The following LARP1 variants were observed in gnomAD, a reference collection of about 807,000 sequenced individuals.
The protein encoded by LARP1 is la-related protein 1.
Under a neutral mutation model 122.7 loss-of-function variants are expected in LARP1, and 36 were observed. The observed-to-expected ratio is 0.29, with a 90% confidence interval of 0.22 to 0.39. The LOEUF (loss-of-function observed/expected upper bound fraction) is 0.39. LARP1 is among the 10% of genes least tolerant of loss of function. The probability of loss-of-function intolerance (pLI) is 1.00; values close to 1 mark genes in which losing one functional copy is unlikely to be tolerated. For synonymous variants in LARP1, 539 were observed against 528.7 expected (o/e 1.02, Z -0.27); for missense variants, 1,040 against 1,403.6 (o/e 0.74, Z 4.14).
chr5:154,688,686 G>C (rs1247057495), intron 1 of LARP1, among the ~76,000 whole-genome samples: 1 of 145,942 alleles, frequency 6.9e-6, no homozygotes, highest in African/African-American at 2.6e-5. Flanking sequence ...ATTAGCTAGG[G>C]CTAGTGGCAC....
chr5:154,715,095 G>T (rs192348741), intron 1 of LARP1, among the ~76,000 whole-genome samples: 1,574 of 151,208 alleles, frequency 0.01, 26 homozygotes, highest in African/African-American at 0.036. Flanking sequence ...CAGGAGAATC[G>T]CTTGAACCCG....
intron 1 of LARP1, among the ~76,000 whole-genome samples, chr5:154,731,874 T>C (rs1202722280): frequency 6.6e-6 from 1 of 151,828 alleles, no homozygotes; most frequent in Non-Finnish European, 1.5e-5. Flanking sequence ...ATACAAAAAT[T>C]AGCTGGGTGT....
rs748853573 is a variant in LARP1 at position 154,744,616 on chromosome 5, ATTTTTTTTTTTTTTTTTTTTTTTTT to A, written c.205+31501_205+31525del. ...CAGGGGAAAGGGCATTGGATATGCA[ATTTTTTTTTTTTTTTTTTTTTTTTT>A]TTTTTTTTTTTTTTGAGACGGAGTC... On this transcript the variant is annotated intron_variant, in intron 1 of 18. Coordinates refer to the LARP1 transcript ENST00000336314. Among the ~76,000 whole-genome samples the A allele has an allele frequency of 3.4e-3, 247 of 71,816 alleles. 2 individuals carry two copies. Among genetic ancestry groups the A allele is most frequent in the African/African-American group, 5.8e-3 (104 of 17,976 alleles). The allele number at this position is 71,816 out of a possible 152,430, so 47.1% of individuals were successfully genotyped here. A position where few individuals can be genotyped will look rare whatever the true frequency, so the allele number is the denominator to read the frequency against.
chr5:154,770,020 C>T (rs1283464207), intron 1 of LARP1, among the ~76,000 whole-genome samples: 1 of 152,098 alleles, frequency 6.6e-6, no homozygotes, highest in Non-Finnish European at 1.5e-5. Context: ...TGGAGGCCAG[C>T]TTAGGGAGTC....
rs1415110453 is a variant in LARP1, at chr5:154,817,249, A to C, written c.*3153A>C. The C allele has an allele frequency of 6.6e-6, 1 of 152,170 alleles. No homozygotes were observed. The highest frequency in any genetic ancestry group is 1.5e-5 in the Non-Finnish European group (1 of 68,014). The allele number at this position is 152,170 out of a possible 1,614,324, so 9.4% of individuals were successfully genotyped here. On this transcript the variant is annotated 3_prime_UTR_variant, in exon 19 of 19. Transcript: ENST00000518297. ...TGGAAGGGTCCCTGGATTTTCCCTA[A>C]CACCCACCCTCTCCCCCTTCAGCCA...
chr5:154,784,483 T>G (rs546234737), intron 1 of LARP1, among the ~76,000 whole-genome samples: 1 of 152,324 alleles, frequency 6.6e-6, no homozygotes, highest in African/African-American at 2.4e-5. Flanking sequence ...AGCTCTCTGG[T>G]AAACAGCCTT....
chr5:154,797,228 T>TTTTTTTG (rs1757948321), intron 8 of LARP1, among the ~76,000 whole-genome samples: 3 of 105,354 alleles, frequency 2.8e-5, no homozygotes, highest in African/African-American at 1.2e-4. Context: ...GTTGTTTTTT[T>TTTTTTTG]TTTTTTTTTT....
chr5:154,738,567 G>C (rs1367366291), intron 1 of LARP1, among the ~76,000 whole-genome samples: 1 of 152,164 alleles, frequency 6.6e-6, no homozygotes, highest in East Asian at 1.9e-4. Flanking sequence ...ACTCCAGACT[G>C]GGGGACAGAG....
At chr5:154,745,196 G>A (rs1753126296) in intron 1 of LARP1, among the ~76,000 whole-genome samples, 1 of 152,148 alleles carries the variant, frequency 6.6e-6, no homozygotes. Context: ...AAAGTGCTGG[G>A]ATTACAGATG....
chr5:154,766,360 T>A (rs764802125), intron 1 of LARP1, among the ~76,000 whole-genome samples: 1 of 152,266 alleles, frequency 6.6e-6, no homozygotes. Flanking sequence ...TTTGATCCTT[T>A]AGGGCAAGGT....
chr5:154,690,560 GCAGAGACTTGAACTCGGTCCGCCCGGCCC>G (rs1479173616), intron 1 of LARP1, among the ~76,000 whole-genome samples: 2 of 152,200 alleles, frequency 1.3e-5, no homozygotes. Flanking sequence ...GAGTACCAGG[GCAGAGACTTGAACTCGGTCCGCCCGGCCC>G]CAGAGCGAGA....
At chr5:154,722,773 C>T (rs1395946768) in intron 1 of LARP1, among the ~76,000 whole-genome samples, 1 of 151,124 alleles carries the variant, frequency 6.6e-6, no homozygotes, top group East Asian at 2.0e-4. Flanking sequence ...ATCTGCCTCC[C>T]AGATTCAAGC....
At chr5:154,804,719 A>G (rs1480973706) in intron 14 of LARP1, 6 of 454,736 alleles carry the variant, frequency 1.3e-5, no homozygotes, top group Non-Finnish European at 2.2e-5. Context: ...CCCAACCTGT[A>G]TCTGCTGACC....
chr5:154,806,654 T>C (rs552310365), intron 15 of LARP1, among the ~76,000 whole-genome samples: 101 of 152,356 alleles, frequency 6.6e-4, no homozygotes, highest in African/African-American at 2.3e-3. Flanking sequence ...TTTAGTATTC[T>C]GATAGGTTGG....
chr5:154,693,853 C>G (rs766405036), intron 1 of LARP1, among the ~76,000 whole-genome samples: 44 of 104,576 alleles, frequency 4.2e-4, no homozygotes, highest in Middle Eastern at 4.3e-3. Flanking sequence ...AAGACTCCGT[C>G]TAAAAAAAAA....
chr5:154,799,877 G>A lies in LARP1; in HGVS notation c.1551G>A (p.Ser517=), dbSNP rs772436135. The A allele has an allele frequency of 6.8e-6, 11 of 1,613,542 alleles. No individual in the cohort carries two copies. The highest frequency in any genetic ancestry group is 2.2e-5 in the East Asian group (1 of 44,884). Reference sequence around the variant, plus strand: ...CTTCCCCTTTCCACCCTTTAGAGTCGGCACCTGGCTCTCCTCGTGCAGTCA... The same window carrying A: ...CTTCCCCTTTCCACCCTTTAGAGTCAGCACCTGGCTCTCCTCGTGCAGTCA... ...PRQHYQKETE[S]APGSPRAVTP... The change falls in exon 10 of 19, where the codon TCG becomes TCA. Residue 517 remains serine, a synonymous_variant. Coordinates refer to ENST00000518297, the MANE Select transcript of LARP1 (RefSeq NM_033551.3).
At chr5:154,804,745 G>A (rs188130768) in intron 14 of LARP1, 13 of 456,238 alleles carry the variant, frequency 2.8e-5, no homozygotes, top group Non-Finnish European at 4.8e-5. Flanking sequence ...TCTTGGGGTA[G>A]GGCCCACACT....
Position 154,813,878 on chromosome 5 carries a change from C to G in LARP1, c.3082-9C>G. On this transcript the variant is annotated splice_polypyrimidine_tract_variant and intron_variant, in intron 18 of 18. Transcript: ENST00000518297. ...TTCTGATCACCTGTGACTCCTTCCT[C>G]TGTTGCAGCCCCCCATGGGTGAGGA... 4 of 1,612,404 alleles carry G rather than the reference C, an allele frequency of 2.5e-6. No homozygotes were observed. The highest frequency in any genetic ancestry group is 3.4e-6 in the Non-Finnish European group (4 of 1,178,930).
rs1477497868 is a variant in LARP1 at position 154,744,881 on chromosome 5, C to T, written c.205+31751C>T. Among the ~76,000 whole-genome samples the T allele has an allele frequency of 6.6e-4, 79 of 118,862 alleles. 7 individuals carry two copies. Among genetic ancestry groups the T allele is most frequent in the Non-Finnish European group, 4.9e-4 (29 of 59,064 alleles). 78.0% of individuals were successfully genotyped at this position (118,862 alleles called of 152,430 possible). ...CTCGATCTCCTGACCTCGTGATCCG[C>T]CCGCCTCGGCCTCCCAAAGTGCTGG... is the stretch of plus-strand genomic sequence containing the variant. On this transcript the variant is annotated intron_variant, in intron 1 of 18. Coordinates refer to the LARP1 transcript ENST00000336314.
Sources: gnomAD v4.1 joint callset for allele counts (sites outside exome capture counted in the v4.1 genomes callset) on GRCh38, gnomAD v4.1.1 for gene constraint, MANE v1.5 for transcripts, NCBI Gene and HGNC (gene_info 2026-07-23, HGNC 2026-07-21) for gene names.